Variants in ZPLD1 observed in about 807,000 individuals in gnomAD.
The protein encoded by ZPLD1 is zona pellucida like domain containing 1.
A neutral mutation model predicts 47.2 loss-of-function variants in ZPLD1; 34 were observed. The ratio of observed to expected loss-of-function variants is 0.72; its 90% confidence interval spans 0.55 to 0.96. The LOEUF (loss-of-function observed/expected upper bound fraction) is 0.96, where lower values mean the gene tolerates loss of function less well. ZPLD1 is among the 40% of genes least tolerant of loss of function. The probability of loss-of-function intolerance (pLI) is 0.00; values close to 1 mark genes in which losing one functional copy is unlikely to be tolerated. For synonymous variants in ZPLD1, 176 were observed against 186.2 expected, an observed-to-expected ratio of 0.95 and a Z score of 0.45; for missense variants, 512 against 505.8, an observed-to-expected ratio of 1.01 and a Z score of -0.12.
upstream of ZPLD1, among the ~76,000 whole-genome samples, chr3:102,433,372 T>C (rs1271194727): frequency 2.0e-5 from 3 of 152,222 alleles, no homozygotes; most frequent in African/African-American, 4.8e-5. Flanking sequence ...TTCAGATTAC[T>C]GTGCCTTAGT....
chr3:102,451,483 T>C (rs555803147), intron 3 of ZPLD1, among the ~76,000 whole-genome samples: 17 of 152,306 alleles, frequency 1.1e-4, no homozygotes, highest in African/African-American at 4.1e-4. Flanking sequence ...ATTGGTATAA[T>C]AAGGTAATAA....
chr3:102,446,178 A>G (rs1707253028), intron 3 of ZPLD1, among the ~76,000 whole-genome samples: 1 of 152,186 alleles, frequency 6.6e-6, no homozygotes, highest in African/African-American at 2.4e-5. Flanking sequence ...AAAACCCAGA[A>G]CACTCTATTA....
At chr3:102,387,959 C>G (rs1706450230) in intron 6 of ZPLD1, among the ~76,000 whole-genome samples, 1 of 149,442 alleles carries the variant, frequency 6.7e-6, no homozygotes, top group South Asian at 2.1e-4. Flanking sequence ...CTCCTGGGCT[C>G]ACGCCATTCT....
intron 4 of ZPLD1, among the ~76,000 whole-genome samples, chr3:102,455,667 C>T (rs181768134): frequency 1.2e-4 from 19 of 152,274 alleles, no homozygotes; most frequent in African/African-American, 3.6e-4. Flanking sequence ...GGGAACTGCC[C>T]AGCGAGCAGG....
At position 102,395,374 on chromosome 3, in the gene ZPLD1, G is replaced by A. The variant is rs570292282; in HGVS notation, c.-157+3149G>A. ...TTTGGAATATCCCAGTAGGTCCAAT[G>A]TAGTCATATGGGTCTTGATAAGGAG... On this transcript the variant is annotated intron_variant, in intron 7 of 17. Coordinates refer to the ZPLD1 transcript ENST00000491959. 2.8e-4 allele frequency among the ~76,000 whole-genome samples: 43 copies of A among 152,222 alleles called. 1 individual carries two copies. Among genetic ancestry groups the A allele is most frequent in the African/African-American group, 1.0e-3 (42 of 41,534 alleles).
chr3:102,398,803 G>T (rs1371438407), intron 7 of ZPLD1, among the ~76,000 whole-genome samples: 3 of 152,200 alleles, frequency 2.0e-5, no homozygotes, highest in Non-Finnish European at 4.4e-5. Context: ...ATGTCTATTG[G>T]ATTCTTGGCT....
chr3:102,412,757 G>A (rs1003304732), intron 7 of ZPLD1, among the ~76,000 whole-genome samples: 1 of 151,528 alleles, frequency 6.6e-6, no homozygotes, highest in Non-Finnish European at 1.5e-5. Context: ...TCTGTAGCAG[G>A]TTTACAAGCA....
intron 3 of ZPLD1, among the ~76,000 whole-genome samples, chr3:102,441,438 T>G (rs1688174258): frequency 6.6e-6 from 1 of 152,112 alleles, no homozygotes; most frequent in Non-Finnish European, 1.5e-5. Context: ...AATCTGTATC[T>G]TAAACCCTGC....
At chr3:102,399,513 C>T (rs1161068180) in intron 7 of ZPLD1, among the ~76,000 whole-genome samples, 23 of 151,922 alleles carry the variant, frequency 1.5e-4, no homozygotes, top group Non-Finnish European at 1.5e-5. Flanking sequence ...ATGTAGATAT[C>T]GGCTCCTAGT....
At chr3:102,406,862 A>G (rs1248955606) in intron 7 of ZPLD1, among the ~76,000 whole-genome samples, 2 of 152,042 alleles carry the variant, frequency 1.3e-5, no homozygotes, top group South Asian at 2.1e-4. Context: ...TATGGTGTCA[A>G]CATGTTTCTT....
chr3:102,445,636 T>G (rs1707245217), intron 3 of ZPLD1, among the ~76,000 whole-genome samples: 1 of 152,194 alleles, frequency 6.6e-6, no homozygotes, highest in African/African-American at 2.4e-5. Flanking sequence ...TATAAGATTC[T>G]TTGGTGATTC....
At position 102,444,420 on chromosome 3, in the gene ZPLD1, C is replaced by A. The variant is rs141144792; in HGVS notation, c.106+5827C>A. Among the ~76,000 whole-genome samples the A allele has an allele frequency of 7.3e-4, 111 of 152,262 alleles. 1 individual carries two copies. The highest frequency in any genetic ancestry group is 2.6e-3 in the African/African-American group (107 of 41,546). ...AGTTCTTCATCAGCTGTTGGTATTT[C>A]GTGTAGATGAAATATCAATACCCCT... On this transcript the variant is annotated intron_variant, in intron 3 of 11. Transcript: ENST00000466937.
intron 7 of ZPLD1, among the ~76,000 whole-genome samples, chr3:102,395,290 G>A (rs143574429): frequency 4.0e-4 from 61 of 152,008 alleles, no homozygotes; most frequent in African/African-American, 1.2e-3. Flanking sequence ...ATATATATAC[G>A]TATATGTAAA....
chr3:102,444,568 T>C (rs1707228615), intron 3 of ZPLD1, among the ~76,000 whole-genome samples: 1 of 152,212 alleles, frequency 6.6e-6, no homozygotes, highest in African/African-American at 2.4e-5. Flanking sequence ...CTAGGCAATT[T>C]GTAAGCCCAT....
intron 8 of ZPLD1, among the ~76,000 whole-genome samples, chr3:102,428,965 CAT>C (rs746223956): frequency 3.3e-5 from 5 of 152,066 alleles, no homozygotes; most frequent in Non-Finnish European, 7.4e-5. Context: ...TTATTTTAAA[CAT>C]GTGCTTATAT....
At chr3:102,416,109 T>C (rs558318548) in intron 7 of ZPLD1, among the ~76,000 whole-genome samples, 6 of 151,910 alleles carry the variant, frequency 3.9e-5, no homozygotes, top group Non-Finnish European at 7.4e-5. Flanking sequence ...ATCTCCCTGA[T>C]AAGGGGCTCA....
At chr3:102,455,821 G>A (rs549605026) in intron 4 of ZPLD1, among the ~76,000 whole-genome samples, 17 of 152,302 alleles carry the variant, frequency 1.1e-4, no homozygotes, top group Admixed American at 3.9e-4. Flanking sequence ...ATCATCAAGA[G>A]TTGGAGCCTG....
chr3:102,433,703 A>G (rs1048515797), upstream of ZPLD1, among the ~76,000 whole-genome samples: 2 of 151,606 alleles, frequency 1.3e-5, no homozygotes, highest in South Asian at 4.2e-4. Context: ...ATTTTTTTGT[A>G]TTTTTTTAGA....
At chr3:102,435,496 C>A (rs1377362271) in intron 1 of ZPLD1, among the ~76,000 whole-genome samples, 1 of 152,202 alleles carries the variant, frequency 6.6e-6, no homozygotes, top group African/African-American at 2.4e-5. Context: ...TGTTTTCCTG[C>A]ATTGGATGCC....
Sources: allele counts gnomAD v4.1 joint callset (sites outside exome capture counted in the v4.1 genomes callset), GRCh38; gene constraint gnomAD v4.1.1; transcripts MANE v1.5; gene names NCBI Gene and HGNC (gene_info 2026-07-23, HGNC 2026-07-21).